EFCAB5: variants seen among roughly 807,000 people sequenced by gnomAD.
EFCAB5 encodes the protein EF-hand calcium binding domain 5.
A neutral mutation model predicts 167.9 loss-of-function variants in EFCAB5; 131 were observed. That is an observed-to-expected ratio of 0.78 (90% CI 0.68 to 0.90). EFCAB5 has a LOEUF of 0.90. EFCAB5 is among the 40% of genes least tolerant of loss of function. The pLI is 0.00. For synonymous variants in EFCAB5, 574 were observed against 602.8 expected (o/e 0.95, Z 0.70); for missense variants, 1,663 against 1,745.2 (o/e 0.95, Z 0.84).
intron 16 of EFCAB5, 67 bp downstream of exon 16, chr17:30,080,308 G>T: frequency 6.8e-7 from 1 of 1,461,880 alleles, no homozygotes. Context: ...GAGTAAACTG[G>T]CATCAAGATC....
intron 14 of EFCAB5, among the ~76,000 whole-genome samples, chr17:30,067,255 A>G (rs2070597610): frequency 6.6e-6 from 1 of 152,212 alleles, no homozygotes; most frequent in Non-Finnish European, 1.5e-5. Context: ...ACACAAATGT[A>G]AGAATTCTCA....
At chr17:30,060,179 G>A (rs1256623307) in intron 14 of EFCAB5, among the ~76,000 whole-genome samples, 1 of 151,804 alleles carries the variant, frequency 6.6e-6, no homozygotes, top group Non-Finnish European at 1.5e-5. Flanking sequence ...CCTGCACAAT[G>A]TGCACATGTA....
intron 3 of EFCAB5, among the ~76,000 whole-genome samples, chr17:29,953,992 A>G (rs1344660028): frequency 6.6e-6 from 1 of 152,200 alleles, no homozygotes; most frequent in African/African-American, 2.4e-5. Flanking sequence ...CCCCTGCCCT[A>G]GAGATCTGTG....
intron 5 of EFCAB5, among the ~76,000 whole-genome samples, chr17:29,994,590 TA>T (rs1013576669): frequency 1.3e-5 from 2 of 152,094 alleles, no homozygotes; most frequent in African/African-American, 2.4e-5. Context: ...TAAAAGATAA[TA>T]AAAATATAAA....
chr17:30,076,627 C>T (rs976756902), intron 14 of EFCAB5, among the ~76,000 whole-genome samples: 4 of 152,164 alleles, frequency 2.6e-5, no homozygotes, highest in Admixed American at 6.5e-5. Flanking sequence ...GAAATCACAA[C>T]GGAAGTCTTC....
rs144285171 is a variant in EFCAB5, at chr17:29,976,295, G to C, written c.767+6928G>C. The stretch of plus-strand genomic sequence containing the variant: ...TTGTTTCACTGATATTTCTTGAACT[G>C]GGAGTTTGACTTCTTAGGGTCATTT... On this transcript the variant is annotated intron_variant, in intron 4 of 22. Transcript: ENST00000394835. Among the ~76,000 whole-genome samples the C allele has an allele frequency of 3.9e-4, 60 of 152,264 alleles. 1 individual carries two copies. Among genetic ancestry groups the C allele is most frequent in the African/African-American group, 1.4e-3 (59 of 41,544 alleles).
At chr17:29,939,518 G>C (rs766402306), upstream of EFCAB5, among the ~76,000 whole-genome samples, 143 of 152,156 alleles carry the variant, frequency 9.4e-4, no homozygotes, top group Non-Finnish European at 1.8e-3. Flanking sequence ...CCAATAGAAG[G>C]CTGTTTAGTC....
chr17:30,054,096 T>A lies in EFCAB5; in HGVS notation c.2142T>A (p.Ser714Arg). The stretch of plus-strand genomic sequence containing the variant: ...CATATGAAGAGGAAATATTCCTGAG[T>A]TCTGAACTGCAAGAGGAAGTTCCAA... ...EQTYEEEIFL[S>R]SELQEEVPTL... The change falls in exon 10 of 23, where the codon AGT (serine) becomes AGA (arginine). Residue 714 changes from serine (S) to arginine (R), a missense_variant. Transcript: ENST00000394835. 6.3e-7 allele frequency: 1 copy of A among 1,579,654 alleles called. No individual in the cohort carries two copies. Among genetic ancestry groups the A allele is most frequent in the Middle Eastern group, 1.7e-4 (1 of 5,972 alleles).
At chr17:30,072,346 AAAC>A (rs1344822009) in intron 14 of EFCAB5, among the ~76,000 whole-genome samples, 2 of 152,120 alleles carry the variant, frequency 1.3e-5, no homozygotes, top group South Asian at 2.1e-4. Flanking sequence ...TTTTGAAACA[AAAC>A]AACAACAACA....
intron 7 of EFCAB5, among the ~76,000 whole-genome samples, chr17:30,019,600 C>T (rs2069126366): frequency 6.6e-6 from 1 of 152,056 alleles, no homozygotes; most frequent in South Asian, 2.1e-4. Context: ...TGCCTGCCAT[C>T]ACACCTGGCT....
chr17:30,050,262 G>A (rs1283114863), intron 8 of EFCAB5, among the ~76,000 whole-genome samples: 1 of 151,912 alleles, frequency 6.6e-6, no homozygotes, highest in Admixed American at 6.6e-5. Flanking sequence ...AGCCTCCCGA[G>A]TAGCTGGGAT....
At chr17:29,946,033 C>T (rs981546250) in intron 3 of EFCAB5, among the ~76,000 whole-genome samples, 3 of 152,088 alleles carry the variant, frequency 2.0e-5, no homozygotes, top group African/African-American at 7.2e-5. Context: ...AAGAAATAAC[C>T]ATCAGACTAA....
At chr17:30,010,482 T>C (rs2068871603) in intron 7 of EFCAB5, among the ~76,000 whole-genome samples, 1 of 152,218 alleles carries the variant, frequency 6.6e-6, no homozygotes, top group African/African-American at 2.4e-5. Flanking sequence ...TTTCCTGACG[T>C]TTTAATGATC....
chr17:30,108,063 C>G lies in EFCAB5; in HGVS notation c.*39C>G. On this transcript the variant is annotated 3_prime_UTR_variant, in exon 23 of 23. Coordinates refer to ENST00000394835, the MANE Select transcript of EFCAB5 (RefSeq NM_198529.4). ...TGGAATTGATACTGTATTTAGGATC[C>G]TTTGTTTGTTATCAGTTTTGTTTGT... 1 of 1,542,276 alleles carries G rather than the reference C, an allele frequency of 6.5e-7. No individual in the cohort carries two copies. Among genetic ancestry groups the G allele is most frequent in the Non-Finnish European group, 8.7e-7 (1 of 1,153,048 alleles).
chr17:30,097,287 C>A (rs180840851), intron 22 of EFCAB5, among the ~76,000 whole-genome samples: 1 of 151,920 alleles, frequency 6.6e-6, no homozygotes, highest in Non-Finnish European at 1.5e-5. Context: ...AACTCCTGAG[C>A]TCAGATGATC....
intron 14 of EFCAB5, among the ~76,000 whole-genome samples, chr17:30,068,234 G>A (rs535098329): frequency 1.4e-4 from 22 of 152,108 alleles, no homozygotes; most frequent in Non-Finnish European, 1.8e-4. Flanking sequence ...CCCAGGAGGC[G>A]GAGCTTGCAG....
At chr17:29,958,267 T>G (rs1411725603) in intron 3 of EFCAB5, among the ~76,000 whole-genome samples, 1 of 152,218 alleles carries the variant, frequency 6.6e-6, no homozygotes, top group South Asian at 2.1e-4. Flanking sequence ...CTCTTTAAGG[T>G]CAATAACTCT....
chr17:30,024,710 G>T (rs2069270944), intron 7 of EFCAB5, among the ~76,000 whole-genome samples: 1 of 151,828 alleles, frequency 6.6e-6, no homozygotes. Context: ...AACCAAAAAA[G>T]AGCCCGCATC....
At chr17:30,064,524 A>G (rs2070509579) in intron 14 of EFCAB5, among the ~76,000 whole-genome samples, 1 of 152,200 alleles carries the variant, frequency 6.6e-6, no homozygotes, top group East Asian at 1.9e-4. Flanking sequence ...TACAATTATC[A>G]CTATTAAGTG....
Sources: allele counts gnomAD v4.1 joint callset (sites outside exome capture counted in the v4.1 genomes callset), GRCh38; gene constraint gnomAD v4.1.1; transcripts MANE v1.5; gene names NCBI Gene and HGNC (gene_info 2026-07-23, HGNC 2026-07-21).